Variants in ATOSA observed in about 807,000 individuals in gnomAD.
ATOSA encodes atos homolog protein A.
chr15:52,670,499 TCTTAA>T, the ATOSA span, among the ~76,000 whole-genome samples: 1 of 152,226 alleles, frequency 6.6e-6, no homozygotes, highest in Non-Finnish European at 1.5e-5. Context: ...AAGCTTAGTG[TCTTAA>T]CTTTTCTTGC....
At chr15:52,643,833 A>C in the ATOSA span, among the ~76,000 whole-genome samples, 1 of 151,898 alleles carries the variant, frequency 6.6e-6, no homozygotes, top group Non-Finnish European at 1.5e-5. Flanking sequence ...GAATCACTTG[A>C]ACCCGGGAGG....
At chr15:52,656,565 A>G in the ATOSA span, 1 of 152,140 alleles carries the variant, frequency 6.6e-6, no homozygotes, top group Non-Finnish European at 1.5e-5. Context: ...GATGACCTAG[A>G]TTAGTTCCAG....
chr15:52,604,468 G>A, the ATOSA span, among the ~76,000 whole-genome samples: 5 of 152,244 alleles, frequency 3.3e-5, no homozygotes, highest in East Asian at 5.8e-4. Flanking sequence ...CAAATTACAC[G>A]GATTTTTAGT....
chr15:52,599,127 C>A, the ATOSA span, among the ~76,000 whole-genome samples: 1 of 152,202 alleles, frequency 6.6e-6, no homozygotes, highest in Non-Finnish European at 1.5e-5. Flanking sequence ...AATGCAAAAA[C>A]AGTCTAATAC....
chr15:52,697,545 CG>C, the ATOSA span, among the ~76,000 whole-genome samples: 1 of 152,054 alleles, frequency 6.6e-6, no homozygotes, highest in Non-Finnish European at 1.5e-5. Flanking sequence ...TTCTTTAATG[CG>C]TAAGAATATG....
the ATOSA span, among the ~76,000 whole-genome samples, chr15:52,694,430 G>T: frequency 6.6e-6 from 1 of 152,052 alleles, no homozygotes; most frequent in Non-Finnish European, 1.5e-5. Context: ...CCTCCAAAGT[G>T]CTGGGATTAC....
At chr15:52,664,176 T>C in the ATOSA span, among the ~76,000 whole-genome samples, 1 of 152,214 alleles carries the variant, frequency 6.6e-6, no homozygotes, top group African/African-American at 2.4e-5. Context: ...GCATCTGCAG[T>C]TGAGCACAAC....
the ATOSA span, chr15:52,586,316 A>G: frequency 6.6e-6 from 1 of 152,236 alleles, no homozygotes; most frequent in Admixed American, 6.5e-5. Context: ...GTGTGATATG[A>G]AATAAACAAA....
the ATOSA span, among the ~76,000 whole-genome samples, chr15:52,651,652 A>G: frequency 4.6e-5 from 7 of 152,322 alleles, no homozygotes; most frequent in African/African-American, 7.2e-5. Context: ...TGTTCAGTTC[A>G]GCATTTTAAT....
chr15:52,676,798 AT>A, the ATOSA span, among the ~76,000 whole-genome samples: 1 of 152,220 alleles, frequency 6.6e-6, no homozygotes, highest in Admixed American at 6.5e-5. Context: ...ACAATTCAAA[AT>A]AAATAGTGAC....
chr15:52,703,151 A>AACC, the ATOSA span, among the ~76,000 whole-genome samples: 1 of 152,218 alleles, frequency 6.6e-6, no homozygotes, highest in African/African-American at 2.4e-5. Flanking sequence ...AACCAGATAA[A>AACC]AGAGTACACA....
At chr15:52,616,688 T>C in the ATOSA span, among the ~76,000 whole-genome samples, 2 of 152,152 alleles carry the variant, frequency 1.3e-5, no homozygotes, top group African/African-American at 2.4e-5. Context: ...GGAGTTAGGA[T>C]TCAGAGATGT....
the ATOSA span, chr15:52,608,992 T>A: frequency 6.2e-7 from 1 of 1,612,942 alleles, no homozygotes; most frequent in South Asian, 1.1e-5. Context: ...GCAATTTGAA[T>A]ACTGTTTATC....
the ATOSA span, among the ~76,000 whole-genome samples, chr15:52,604,041 C>T: frequency 3.9e-4 from 59 of 152,284 alleles, no homozygotes; most frequent in East Asian, 0.01. Flanking sequence ...CCATTTACTC[C>T]GATTTGATTA....
chr15:52,598,250 A>C, the ATOSA span, among the ~76,000 whole-genome samples: 1 of 152,244 alleles, frequency 6.6e-6, no homozygotes. Flanking sequence ...ACAACATTTT[A>C]AGAAAGTTTA....
chr15:52,662,820 A>G, the ATOSA span, among the ~76,000 whole-genome samples: 1 of 152,078 alleles, frequency 6.6e-6, no homozygotes, highest in African/African-American at 2.4e-5. Flanking sequence ...GTACCATGTT[A>G]ATATTCCCAA....
chr15:52,616,279 C>T, the ATOSA span, among the ~76,000 whole-genome samples: 1 of 152,204 alleles, frequency 6.6e-6, no homozygotes, highest in Non-Finnish European at 1.5e-5. Flanking sequence ...AAGGGTTCTA[C>T]GGTAGTGACG....
chr15:52,705,583 A>G, the ATOSA span, among the ~76,000 whole-genome samples: 1 of 152,186 alleles, frequency 6.6e-6, no homozygotes, highest in Non-Finnish European at 1.5e-5. Flanking sequence ...CATTACATCA[A>G]TTTAATTTGT....
the ATOSA span, among the ~76,000 whole-genome samples, chr15:52,652,493 T>C: frequency 6.6e-6 from 1 of 152,148 alleles, no homozygotes; most frequent in African/African-American, 2.4e-5. Context: ...AACCTTCATA[T>C]ACCTGGAACT....
Sources: gnomAD v4.1 joint callset for allele counts (sites outside exome capture counted in the v4.1 genomes callset) on GRCh38, gnomAD v4.1.1 for gene constraint, MANE v1.5 for transcripts, NCBI Gene and HGNC (gene_info 2026-07-23, HGNC 2026-07-21) for gene names.